Variants in ROBO1 observed in about 807,000 individuals in gnomAD.
ROBO1 encodes the protein roundabout guidance receptor 1.
A neutral mutation model predicts 195.9 loss-of-function variants in ROBO1; 149 were observed. That is an observed-to-expected ratio of 0.76 (90% CI 0.67 to 0.87). The LOEUF is 0.87. Ranked by LOEUF, ROBO1 falls within the 40% of genes least tolerant of loss-of-function variation. ROBO1 has a pLI of 0.00. For missense variants in ROBO1, 1,933 were observed against 2,068.3 expected (o/e 0.93, Z 1.27); for synonymous variants, 816 against 733.2 (o/e 1.11, Z -1.82).
At position 79,519,955 on chromosome 3, in the gene ROBO1, T is replaced by C. The variant is rs180789463; in HGVS notation, c.88+69869A>G. Among the ~76,000 whole-genome samples the C allele has an allele frequency of 7.4e-3, 1,124 of 152,024 alleles. 11 individuals are homozygous for C. The highest frequency in any genetic ancestry group is 0.017 in the Middle Eastern group (5 of 294). ...AGGAATATTGCTTGAGCCTGGGAGTTTGAGACTATTCTGGGCAATAGGAAA... is the reference window on the plus strand; with the variant it reads ...AGGAATATTGCTTGAGCCTGGGAGTCTGAGACTATTCTGGGCAATAGGAAA... On this transcript the variant is annotated intron_variant, in intron 2 of 30. Transcript: ENST00000464233.
intron 4 of ROBO1, among the ~76,000 whole-genome samples, chr3:78,920,145 A>C (rs750388333): frequency 1.2e-4 from 18 of 152,260 alleles, no homozygotes; most frequent in Admixed American, 4.6e-4. Context: ...AGGAAATAAA[A>C]TATATCATGC....
chr3:78,853,025 C>G (rs2034170988), intron 4 of ROBO1, among the ~76,000 whole-genome samples: 1 of 152,044 alleles, frequency 6.6e-6, no homozygotes, highest in Admixed American at 6.6e-5. Context: ...AAAGAAGGAA[C>G]AGATTGGAGG....
At chr3:78,752,560 C>T (rs1049498608) in intron 4 of ROBO1, among the ~76,000 whole-genome samples, 2 of 152,036 alleles carry the variant, frequency 1.3e-5, no homozygotes, top group African/African-American at 2.4e-5. Flanking sequence ...CCCAGAAGAA[C>T]GAAGTGCTGT....
At chr3:79,237,249 G>A (rs2082425241) in intron 2 of ROBO1, among the ~76,000 whole-genome samples, 2 of 152,216 alleles carry the variant, frequency 1.3e-5, no homozygotes, top group East Asian at 1.9e-4. Context: ...TTGGGAGCCC[G>A]AGGCGGGCGG....
At chr3:79,623,022 G>A (rs569247294) in intron 1 of ROBO1, among the ~76,000 whole-genome samples, 19 of 152,092 alleles carry the variant, frequency 1.2e-4, no homozygotes, top group Non-Finnish European at 1.8e-4. Context: ...GTGCAAGAGC[G>A]AATCAGATGA....
chr3:78,951,160 T>C (rs563084619), intron 3 of ROBO1, among the ~76,000 whole-genome samples: 38 of 151,914 alleles, frequency 2.5e-4, no homozygotes, highest in Middle Eastern at 3.4e-3. Flanking sequence ...GAAGAGCATA[T>C]ATAAATCTCA....
chr3:79,740,135 C>T (rs1385288348), intron 1 of ROBO1, among the ~76,000 whole-genome samples: 5 of 149,406 alleles, frequency 3.3e-5, no homozygotes, highest in African/African-American at 1.2e-4. Flanking sequence ...AGAGATCCTA[C>T]TAAATCCATT....
intron 2 of ROBO1, among the ~76,000 whole-genome samples, chr3:79,368,466 C>T (rs1163152497): frequency 2.6e-5 from 4 of 152,064 alleles, no homozygotes; most frequent in Non-Finnish European, 5.9e-5. Context: ...ACTCAGTGGG[C>T]TCAGGGACCA....
intron 21 of ROBO1, among the ~76,000 whole-genome samples, chr3:78,641,886 G>A (rs557164307): frequency 1.3e-5 from 2 of 152,244 alleles, no homozygotes; most frequent in African/African-American, 4.8e-5. Context: ...CTGACTTATC[G>A]ATTTACATCC....
chr3:78,858,618 C>T (rs886555684), intron 4 of ROBO1, among the ~76,000 whole-genome samples: 2 of 149,570 alleles, frequency 1.3e-5, no homozygotes, highest in African/African-American at 4.9e-5. Context: ...GGCATGGTAG[C>T]GCAGGCTTGT....
At chr3:79,676,956 G>T (rs760576659) in intron 1 of ROBO1, among the ~76,000 whole-genome samples, 4 of 152,036 alleles carry the variant, frequency 2.6e-5, no homozygotes, top group Admixed American at 6.6e-5. Context: ...AATGGAATGA[G>T]ACTCTTGGGA....
At chr3:78,988,077 T>C (rs569680626) in intron 3 of ROBO1, among the ~76,000 whole-genome samples, 64 of 152,286 alleles carry the variant, frequency 4.2e-4, no homozygotes, top group African/African-American at 1.4e-3. Context: ...CAATGTCTTC[T>C]TTAGCATCAT....
intron 3 of ROBO1, among the ~76,000 whole-genome samples, chr3:78,998,721 T>C (rs754014857): frequency 2.0e-5 from 3 of 152,100 alleles, no homozygotes; most frequent in Non-Finnish European, 4.4e-5. Flanking sequence ...TTATCCTTCC[T>C]CTTTGCTTCA....
chr3:79,650,489 A>T (rs1227740926), intron 1 of ROBO1, among the ~76,000 whole-genome samples: 9 of 151,746 alleles, frequency 5.9e-5, no homozygotes, highest in Non-Finnish European at 1.2e-4. Context: ...ATATATCAAA[A>T]TTTTGATGGT....
intron 3 of ROBO1, among the ~76,000 whole-genome samples, chr3:79,031,209 A>G (rs1467023910): frequency 6.6e-6 from 1 of 152,224 alleles, no homozygotes. Flanking sequence ...TGATGAAATG[A>G]GAACTAACAA....
At chr3:79,523,292 T>C (rs1211460892) in intron 2 of ROBO1, among the ~76,000 whole-genome samples, 1 of 152,102 alleles carries the variant, frequency 6.6e-6, no homozygotes, top group Non-Finnish European at 1.5e-5. Context: ...TGAGGTAATG[T>C]ATTTGTTAAT....
At chr3:79,302,042 C>T (rs1314702979) in intron 2 of ROBO1, among the ~76,000 whole-genome samples, 4 of 152,100 alleles carry the variant, frequency 2.6e-5, no homozygotes, top group Non-Finnish European at 4.4e-5. Flanking sequence ...ATAAGTAAAA[C>T]GGTAAATGAG....
chr3:79,320,300 C>A (rs550412556), intron 2 of ROBO1, among the ~76,000 whole-genome samples: 1 of 152,100 alleles, frequency 6.6e-6, no homozygotes, highest in Non-Finnish European at 1.5e-5. Flanking sequence ...ACTCCACCTT[C>A]GTGAACTCAT....
intron 4 of ROBO1, among the ~76,000 whole-genome samples, chr3:78,828,441 T>C (rs1169385141): frequency 6.6e-6 from 1 of 152,158 alleles, no homozygotes; most frequent in Non-Finnish European, 1.5e-5. Flanking sequence ...CTTAATGACC[T>C]AGGAAAATCT....
Sources: gnomAD v4.1 joint callset for allele counts (sites outside exome capture counted in the v4.1 genomes callset) on GRCh38, gnomAD v4.1.1 for gene constraint, MANE v1.5 for transcripts, NCBI Gene and HGNC (gene_info 2026-07-23, HGNC 2026-07-21) for gene names.